The following AKAP19 variants were observed in gnomAD, a reference collection of about 807,000 sequenced individuals.
AKAP19 encodes the protein small A-kinase anchoring protein.
the AKAP19 span, among the ~76,000 whole-genome samples, chr2:189,908,834 T>C: frequency 1.1e-4 from 16 of 152,206 alleles, no homozygotes; most frequent in African/African-American, 3.6e-4. Flanking sequence ...ATTGTGTTAC[T>C]ATTAGATGGA....
the AKAP19 span, chr2:190,202,494 AT>A: frequency 6.0e-6 from 1 of 167,108 alleles, no homozygotes; most frequent in Admixed American, 6.5e-5. Flanking sequence ...ATTACATGTG[AT>A]AGTTATCATG....
chr2:190,045,204 A>T, the AKAP19 span, among the ~76,000 whole-genome samples: 1 of 152,150 alleles, frequency 6.6e-6, no homozygotes, highest in Non-Finnish European at 1.5e-5. Context: ...GAGGAATGGG[A>T]TCTGGACCCG....
the AKAP19 span, among the ~76,000 whole-genome samples, chr2:190,043,847 T>A: frequency 6.6e-6 from 1 of 152,162 alleles, no homozygotes; most frequent in Non-Finnish European, 1.5e-5. Flanking sequence ...GCAGTGTACA[T>A]TGAGTACAGT....
chr2:190,153,834 A>T, the AKAP19 span, among the ~76,000 whole-genome samples: 1 of 152,216 alleles, frequency 6.6e-6, no homozygotes, highest in African/African-American at 2.4e-5. Context: ...ATTCATAACT[A>T]AAGTTGATAA....
chr2:189,920,337 G>A, the AKAP19 span, among the ~76,000 whole-genome samples: 2 of 152,130 alleles, frequency 1.3e-5, no homozygotes, highest in African/African-American at 4.8e-5. Context: ...TAGGATGGCT[G>A]TCCTAGATCC....
At chr2:190,094,278 G>A in the AKAP19 span, among the ~76,000 whole-genome samples, 16 of 152,314 alleles carry the variant, frequency 1.1e-4, 1 homozygote, top group East Asian at 3.1e-3. Context: ...GAAACATGCT[G>A]TTTAAAGCAT....
the AKAP19 span, among the ~76,000 whole-genome samples, chr2:190,163,326 T>C: frequency 6.4e-4 from 97 of 151,612 alleles, no homozygotes; most frequent in Non-Finnish European, 1.2e-3. Flanking sequence ...CCCAGCTACT[T>C]GGGAGGCTGA....
chr2:189,966,095 C>T, the AKAP19 span, among the ~76,000 whole-genome samples: 1 of 151,620 alleles, frequency 6.6e-6, no homozygotes, highest in Non-Finnish European at 1.5e-5. Flanking sequence ...GAATGGAAAA[C>T]CAAATATTGT....
At chr2:189,968,925 A>C in the AKAP19 span, among the ~76,000 whole-genome samples, 6 of 152,070 alleles carry the variant, frequency 3.9e-5, no homozygotes, top group African/African-American at 1.4e-4. Context: ...AATACATATT[A>C]TAGAAAAAAT....
chr2:190,048,498 T>C, the AKAP19 span, among the ~76,000 whole-genome samples: 6 of 152,216 alleles, frequency 3.9e-5, no homozygotes, highest in Non-Finnish European at 7.3e-5. Context: ...CAGACAACTT[T>C]GTATCAGCCC....
At chr2:190,098,684 G>T in the AKAP19 span, among the ~76,000 whole-genome samples, 1 of 152,184 alleles carries the variant, frequency 6.6e-6, no homozygotes, top group African/African-American at 2.4e-5. Context: ...TTTGAAGCCA[G>T]GCATCGACTT....
chr2:190,023,795 G>GTGTGTATA, the AKAP19 span, among the ~76,000 whole-genome samples: 128 of 142,822 alleles, frequency 9.0e-4, no homozygotes, highest in African/African-American at 3.2e-3. Flanking sequence ...ATGTGTGTGT[G>GTGTGTATA]TATATATATA....
chr2:190,190,567 C>T, the AKAP19 span, among the ~76,000 whole-genome samples: 1 of 151,612 alleles, frequency 6.6e-6, no homozygotes, highest in East Asian at 2.0e-4. Context: ...AGATAAATAT[C>T]TAGAAATGAA....
At chr2:190,100,352 A>G in the AKAP19 span, among the ~76,000 whole-genome samples, 1 of 152,210 alleles carries the variant, frequency 6.6e-6, no homozygotes, top group African/African-American at 2.4e-5. Flanking sequence ...AAGGGATCCA[A>G]TTCGTTTTTG....
chr2:189,974,275 G>A, the AKAP19 span, among the ~76,000 whole-genome samples: 5,215 of 152,266 alleles, frequency 0.034, 284 homozygotes, highest in African/African-American at 0.11. Flanking sequence ...CAGTTTCCAT[G>A]TAGTTGAACG....
chr2:190,175,000 TTACA>T, the AKAP19 span, among the ~76,000 whole-genome samples: 2 of 65,178 alleles, frequency 3.1e-5, no homozygotes, highest in Admixed American at 1.5e-4. Flanking sequence ...GATACATAGA[TTACA>T]TGGAGTACAT....
At chr2:189,976,687 TC>T in the AKAP19 span, among the ~76,000 whole-genome samples, 1 of 152,000 alleles carries the variant, frequency 6.6e-6, no homozygotes, top group Non-Finnish European at 1.5e-5. Flanking sequence ...CGGGCGCCCC[TC>T]CCCCAGCCTC....
the AKAP19 span, chr2:190,199,634 C>T: frequency 2.0e-6 from 2 of 1,020,082 alleles, no homozygotes; most frequent in Non-Finnish European, 2.6e-6. Flanking sequence ...TTTTACATGC[C>T]ACTCAATCAT....
the AKAP19 span, among the ~76,000 whole-genome samples, chr2:189,921,979 G>A: frequency 6.6e-6 from 1 of 152,202 alleles, no homozygotes; most frequent in Non-Finnish European, 1.5e-5. Flanking sequence ...GAATTGGTAA[G>A]TATAAAGAAA....
Sources: gnomAD v4.1 joint callset for allele counts (sites outside exome capture counted in the v4.1 genomes callset) on GRCh38, gnomAD v4.1.1 for gene constraint, MANE v1.5 for transcripts, NCBI Gene and HGNC (gene_info 2026-07-23, HGNC 2026-07-21) for gene names.